Variants in VTA1 observed in about 807,000 individuals in gnomAD.
The protein encoded by VTA1 is vesicle trafficking 1, also known as vacuolar protein sorting-associated protein VTA1 homolog.
A neutral mutation model predicts 36.9 loss-of-function variants in VTA1; 24 were observed. The ratio of observed to expected loss-of-function variants is 0.65; its 90% CI spans 0.47 to 0.91. VTA1 has a LOEUF of 0.91. VTA1 is among the 40% of genes least tolerant of loss of function. The pLI is 0.00. For missense variants in VTA1, 393 were observed against 377.2 expected, an observed-to-expected ratio of 1.04 and a Z score of -0.35; for synonymous variants, 142 against 130.2, an observed-to-expected ratio of 1.09 and a Z score of -0.62.
chr6:142,178,488 G>A (rs1204562645), intron 4 of VTA1, among the ~76,000 whole-genome samples: 3 of 152,036 alleles, frequency 2.0e-5, no homozygotes, highest in Non-Finnish European at 4.4e-5. Flanking sequence ...TCAGGCAGAA[G>A]GAAAAGGATA....
chr6:142,157,263 C>A (rs1778678955), intron 1 of VTA1, among the ~76,000 whole-genome samples: 1 of 152,152 alleles, frequency 6.6e-6, no homozygotes, highest in Non-Finnish European at 1.5e-5. Context: ...TTAACTAAAC[C>A]AATAAAGAGA....
At position 142,156,129 on chromosome 6, in the gene VTA1, T is replaced by G. The variant is rs114241609; in HGVS notation, c.112+8730T>G. Reference sequence around the variant, plus strand: ...GCATTCCTGTAGCTGATTGGCATTTTAACAGTGCTTTCTTTCAGGATGTCT... The same window carrying G: ...GCATTCCTGTAGCTGATTGGCATTTGAACAGTGCTTTCTTTCAGGATGTCT... On this transcript the variant is annotated intron_variant, in intron 1 of 7. Transcript: ENST00000367630. Among the ~76,000 whole-genome samples the G allele has an allele frequency of 9.0e-3, 1,375 of 152,334 alleles. 17 individuals are homozygous for G. The highest frequency in any genetic ancestry group is 0.03 in the African/African-American group (1,261 of 41,580).
chr6:142,193,577 C>T (rs1582895618), intron 5 of VTA1, among the ~76,000 whole-genome samples: 1 of 152,120 alleles, frequency 6.6e-6, no homozygotes, highest in East Asian at 1.9e-4. Flanking sequence ...TTATTTACAT[C>T]AGTATGGGCT....
At chr6:142,216,228 A>G (rs1014737433) in intron 7 of VTA1, among the ~76,000 whole-genome samples, 5 of 152,238 alleles carry the variant, frequency 3.3e-5, no homozygotes, top group Middle Eastern at 6.9e-3. Flanking sequence ...TCTTTCTGAA[A>G]TGTGTTTACC....
chr6:142,188,225 CTTTTTTTTTTTTTTTTT>C (rs200348683), intron 4 of VTA1, among the ~76,000 whole-genome samples: 5 of 78,924 alleles, frequency 6.3e-5, no homozygotes, highest in Admixed American at 1.3e-4. Context: ...TTCTTTATTT[CTTTTTTTTTTTTTTTTT>C]TTTTTTTTTT....
chr6:142,189,249 T>C (rs1775404847), intron 4 of VTA1, among the ~76,000 whole-genome samples, 177 bp from the exon 5 acceptor site: 1 of 152,208 alleles, frequency 6.6e-6, no homozygotes, highest in South Asian at 2.1e-4. Context: ...ATGAATTCTG[T>C]CAAGCCTTAA....
Position 142,170,371 on chromosome 6 carries a change from GC to G in VTA1, c.362del (p.Ala121GlufsTer4), listed in dbSNP as rs746033661. 1.2e-6 allele frequency: 2 copies of G among 1,608,472 alleles called. No homozygotes were observed. Among genetic ancestry groups the G allele is most frequent in the South Asian group, 2.2e-5 (2 of 90,346 alleles). On this transcript the variant is annotated frameshift_variant, in exon 4 of 8. Transcript: ENST00000367630. LOFTEE classifies it high-confidence loss of function. ...HKNMIKSFYT[A>X]SLLIDVITVF... ...AAACATGATCAAGTCCTTCTATACT[GC>G]AAGTCTTTTGATAGATGTCATAACA...
At chr6:142,182,536 T>G (rs1775262059) in intron 4 of VTA1, among the ~76,000 whole-genome samples, 1 of 145,666 alleles carries the variant, frequency 6.9e-6, no homozygotes, top group Non-Finnish European at 1.5e-5. Flanking sequence ...GTGGTTGGAT[T>G]CTGGATATAT....
intron 1 of VTA1, among the ~76,000 whole-genome samples, chr6:142,163,379 T>A (rs1158298536): frequency 6.6e-6 from 1 of 152,158 alleles, no homozygotes; most frequent in African/African-American, 2.4e-5. Context: ...CAACAGTCTT[T>A]CCTAACTATT....
In VTA1 at chr6:142,223,518, C is replaced by A. The variant is rs1256780524; in HGVS notation, c.*4875C>A. On this transcript the variant is annotated 3_prime_UTR_variant, in exon 8 of 8. Coordinates refer to ENST00000367630, the MANE Select transcript of VTA1 (RefSeq NM_016485.5). ...ATTAGATACTTCCTCAATTAAATTT[C>A]TCCCTGAAAGTCTTAGGCAAAAGCC... is the stretch of plus-strand genomic sequence containing the variant. The A allele has an allele frequency of 1.3e-5, 2 of 152,086 alleles. No individual in the cohort carries two copies. Among genetic ancestry groups the A allele is most frequent in the Non-Finnish European group, 2.9e-5 (2 of 68,020 alleles). The allele number at this position is 152,086 out of a possible 1,614,324, so 9.4% of individuals were successfully genotyped here. A position where few individuals can be genotyped will look rare whatever the true frequency, so the allele number is the denominator to read the frequency against.
chr6:142,159,478 G>GTAT (rs199893577), intron 1 of VTA1, among the ~76,000 whole-genome samples: 9,976 of 134,700 alleles, frequency 0.074, 399 homozygotes, highest in East Asian at 0.096. Context: ...TTCATTTCAG[G>GTAT]TATTATTATT....
chr6:142,166,869 A>G lies in VTA1; in HGVS notation c.207+547A>G, dbSNP rs541147573. 1.7e-4 allele frequency among the ~76,000 whole-genome samples: 26 copies of G among 151,980 alleles called. No homozygotes were observed. The South Asian group carries it at 5.2e-3, about 30-fold the overall frequency. On this transcript the variant is annotated intron_variant, in intron 2 of 7. Transcript: ENST00000367630. ...TGAAACTCCTGACCTCAAGTTATAC[A>G]CTCACCTCAGCCTCCCAAAGTGCTG...
chr6:142,187,200 A>T (rs1562263788), intron 4 of VTA1, among the ~76,000 whole-genome samples: 1 of 152,222 alleles, frequency 6.6e-6, no homozygotes, highest in Non-Finnish European at 1.5e-5. Flanking sequence ...AGTATTTAAA[A>T]TTACTTGAAG....
intron 5 of VTA1, among the ~76,000 whole-genome samples, chr6:142,191,547 G>C (rs971799512): frequency 1.3e-5 from 2 of 152,048 alleles, no homozygotes; most frequent in Admixed American, 1.3e-4. Flanking sequence ...CCAAAAGTCA[G>C]CTTAAATGGA....
chr6:142,173,029 A>G (rs1328326600), intron 4 of VTA1, among the ~76,000 whole-genome samples: 1 of 152,092 alleles, frequency 6.6e-6, no homozygotes, highest in African/African-American at 2.4e-5. Context: ...TGAGAGGTGG[A>G]AAACTGTACA....
rs149060820 is a variant in VTA1, at chr6:142,220,714, CTTTGTA to C, written c.*2081_*2086del. On this transcript the variant is annotated 3_prime_UTR_variant, in exon 8 of 8. Coordinates refer to ENST00000367630, the MANE Select transcript of VTA1 (RefSeq NM_016485.5). ...GATTGAACTATACAATGTTTGTTAA[CTTTGTA>C]TTTGTATTTTTTCCTATAAAATCTT... The C allele has an allele frequency of 1.4e-4, 21 of 152,122 alleles. No homozygotes were observed. The East Asian group carries it at 3.1e-3, about 22-fold the overall frequency. 9.4% of individuals were successfully genotyped at this position (152,122 alleles called of 1,614,324 possible). A position where few individuals can be genotyped will look rare whatever the true frequency, so the allele number is the denominator to read the frequency against.
Position 142,221,779 on chromosome 6 carries a change from A to T in VTA1, c.*3136A>T, listed in dbSNP as rs1337460385. On this transcript the variant is annotated 3_prime_UTR_variant, in exon 8 of 8. Transcript: ENST00000367630. ...TTTATTAATATATAAATATGTATTTATATATAAATCATAAATATATTAATA... is the reference window on the plus strand; with the variant it reads ...TTTATTAATATATAAATATGTATTTTTATATAAATCATAAATATATTAATA... 6.8e-6 allele frequency: 1 copy of T among 148,008 alleles called. No individual in the cohort carries two copies. The highest frequency in any genetic ancestry group is 1.5e-5 in the Non-Finnish European group (1 of 67,238). 9.2% of individuals were successfully genotyped at this position (148,008 alleles called of 1,614,324 possible). A position where few individuals can be genotyped will look rare whatever the true frequency, so the allele number is the denominator to read the frequency against.
chr6:142,207,740 C>A (rs1159122982), intron 7 of VTA1, among the ~76,000 whole-genome samples: 1 of 151,996 alleles, frequency 6.6e-6, no homozygotes, highest in Non-Finnish European at 1.5e-5. Context: ...TAGGAAAGAC[C>A]CACAAGAAAC....
In VTA1 at chr6:142,218,488, T is replaced by G; in HGVS notation, c.779-10T>G. ...TCTTATAAATATCCCAATTGTTCTT[T>G]TTCTTCTAGGGGATGTTCGTCTAAC... On this transcript the variant is annotated splice_polypyrimidine_tract_variant and intron_variant, in intron 7 of 7. Coordinates refer to ENST00000367630, the MANE Select transcript of VTA1 (RefSeq NM_016485.5). 1 of 1,611,602 alleles carries G rather than the reference T, an allele frequency of 6.2e-7. No homozygotes were observed. Among genetic ancestry groups the G allele is most frequent in the Non-Finnish European group, 8.5e-7 (1 of 1,179,188 alleles).
Sources: allele counts gnomAD v4.1 joint callset (sites outside exome capture counted in the v4.1 genomes callset), GRCh38; gene constraint gnomAD v4.1.1; transcripts MANE v1.5; gene names NCBI Gene and HGNC (gene_info 2026-07-23, HGNC 2026-07-21).